TROAP: variants seen among roughly 807,000 people sequenced by gnomAD.
The protein encoded by TROAP is tastin.
A neutral mutation model predicts 83.4 loss-of-function variants in TROAP; 62 were observed. The ratio of observed to expected loss-of-function variants is 0.74; its 90% confidence interval spans 0.61 to 0.92. The LOEUF is 0.92. Among genes scored for constraint, TROAP ranks in the 40% least tolerant of loss-of-function variants. The pLI is 0.00. For synonymous variants in TROAP, 352 were observed against 386.4 expected (o/e 0.91, Z 1.04); for missense variants, 876 against 985.1 (o/e 0.89, Z 1.48).
chr12:49,329,420 C>G lies in TROAP; in HGVS notation c.1130C>G (p.Pro377Arg). The change falls in exon 11 of 15, where the codon CCT becomes CGT. Residue 377 changes from proline (P) to arginine (R), a missense_variant. Transcript: ENST00000257909. This position sits in a 1 kb window ranked among gnomAD's most constrained non-coding sequence, Gnocchi z 4.5. ...GCCCAGTGGCTGCGTGGTGTCTCCCCTCAGTCCTGCTCTGAAGATCCTGCC... is the reference window on the plus strand; with the variant it reads ...GCCCAGTGGCTGCGTGGTGTCTCCCGTCAGTCCTGCTCTGAAGATCCTGCC... ...QQAQWLRGVSPQSCSEDPALP... is the reference protein window; with the variant it reads ...QQAQWLRGVSRQSCSEDPALP... 6.2e-7 allele frequency: 1 copy of G among 1,612,338 alleles called. No homozygotes were observed. Among genetic ancestry groups the G allele is most frequent in the East Asian group, 2.2e-5 (1 of 44,882 alleles).
intron 6 of TROAP, 111 bp from the exon 7 acceptor site, chr12:49,326,557 T>C: frequency 4.2e-6 from 5 of 1,202,806 alleles, no homozygotes; most frequent in Non-Finnish European, 5.8e-6. Context: ...ATTTGTACCA[T>C]CATTAGTTGT....
rs1458642587 is a variant in TROAP, at chr12:49,325,824, T to C, written c.573T>C (p.Ser191=). ...RLDPARASCF[S]RLEGPGPRGR... ...ACCCTGCCAGGGCTTCCTGCTTCTC[T>C]AGGCTGGAGGGACCAGGACCTCGAG... Residue 191 remains serine (S), a synonymous_variant, in exon 5 of 15, where the codon TCT becomes TCC. Transcript: ENST00000257909. The C allele has an allele frequency of 6.2e-7, 1 of 1,614,040 alleles. No individual in the cohort carries two copies. The highest frequency in any genetic ancestry group is 1.3e-5 in the African/African-American group (1 of 74,932).
chr12:49,323,629 G>C lies in TROAP; in HGVS notation c.21G>C (p.Thr7=). The change falls in exon 2 of 15, where the codon ACG becomes ACC. Residue 7 remains threonine (T), a synonymous_variant. Coordinates refer to ENST00000257909, the MANE Select transcript of TROAP (RefSeq NM_005480.4). ...CCATCATGACCACCCGGCAAGCCACGAAGGATCCCCTCCTCCGGGGTGTAT... is the reference window on the plus strand; with the variant it reads ...CCATCATGACCACCCGGCAAGCCACCAAGGATCCCCTCCTCCGGGGTGTAT... The part of the protein sequence containing the change: MTTRQA[T]KDPLLRGVSP... 6.2e-7 allele frequency: 1 copy of C among 1,613,988 alleles called. No homozygotes were observed. The highest frequency in any genetic ancestry group is 1.3e-5 in the African/African-American group (1 of 75,002).
At chr12:49,326,769 A>C in intron 7 of TROAP, 49 bp downstream of exon 7, 1 of 1,546,286 alleles carries the variant, frequency 6.5e-7, no homozygotes, top group Non-Finnish European at 8.8e-7. Context: ...GGGCTGCCTG[A>C]AGCAGGGAAC....
rs770732326 is a variant in TROAP at position 49,329,157 on chromosome 12, C to G, written c.1021-4C>G. 6.2e-7 allele frequency: 1 copy of G among 1,614,180 alleles called. No homozygotes were observed. The highest frequency in any genetic ancestry group is 1.1e-5 in the South Asian group (1 of 91,084). On this transcript the variant is annotated splice_region_variant and splice_polypyrimidine_tract_variant and intron_variant, in intron 9 of 14. Transcript: ENST00000257909. This position sits in a 1 kb window ranked among gnomAD's most constrained non-coding sequence, Gnocchi z 4.5. ...CCTGCTCAGCCACCCACATCTCTCC[C>G]CAGACCTCATATTCAGTGTTGCGGC...
Position 49,324,253 on chromosome 12 carries a change from T to C in TROAP, c.337+216T>C, listed in dbSNP as rs369934723. 59 of 1,583,740 alleles carry C rather than the reference T, an allele frequency of 3.7e-5. No individual in the cohort carries two copies. In the African/African-American group the frequency reaches 7.4e-4, roughly 20 times the overall value. ...CAGGTGCCATGGCTTGTACCTGTAA[T>C]CACAGCTACTCAGGAGGCTGAAGCA... On this transcript the variant is annotated intron_variant, in intron 3 of 14. Coordinates refer to ENST00000257909, the MANE Select transcript of TROAP (RefSeq NM_005480.4).
At position 49,329,036 on chromosome 12, in the gene TROAP, C is replaced by T. The variant is rs1255384807; in HGVS notation, c.1001C>T (p.Ser334Phe). The change falls in exon 9 of 15, where the codon TCC becomes TTC. Residue 334 changes from serine (S) to phenylalanine (F), a missense_variant. This residue lies in a region of TROAP where 689 missense variants were observed against 722.6 expected (regional missense o/e 0.95). Transcript: ENST00000257909. This position sits in a 1 kb window ranked among gnomAD's most constrained non-coding sequence, Gnocchi z 4.5. ...TTTGGACGGGCTCAGCGTGTACCCT[C>T]CCCAGGCCCTCCAACTCTGGTTTGT... ...SPFGRAQRVP[S>F]PGPPTLTSYS... 1.2e-6 allele frequency: 2 copies of T among 1,611,178 alleles called. No homozygotes were observed. Among genetic ancestry groups the T allele is most frequent in the Non-Finnish European group, 1.7e-6 (2 of 1,178,064 alleles).
At position 49,331,677 on chromosome 12, in the gene TROAP, C is replaced by A; in HGVS notation, c.*60C>A. On this transcript the variant is annotated 3_prime_UTR_variant, in exon 15 of 15. Coordinates refer to ENST00000257909, the MANE Select transcript of TROAP (RefSeq NM_005480.4). ...CTTTTAGCCCTTATTTATTGTCGGTCTGCCCATGGGACTGGGAGCCGCCCA... is the reference window on the plus strand; with the variant it reads ...CTTTTAGCCCTTATTTATTGTCGGTATGCCCATGGGACTGGGAGCCGCCCA... 6.2e-7 allele frequency: 1 copy of A among 1,608,926 alleles called. No individual in the cohort carries two copies.
chr12:49,328,219 T>G (rs953177132), intron 8 of TROAP, among the ~76,000 whole-genome samples: 2 of 136,388 alleles, frequency 1.5e-5, no homozygotes, highest in Admixed American at 1.4e-4. Flanking sequence ...TAGGTCTTTT[T>G]TTTTTTTTTT....
rs140522502 is a variant in TROAP at position 49,329,967 on chromosome 12, C to T, written c.1275C>T (p.Pro425=). The T allele has an allele frequency of 3.7e-6, 6 of 1,614,020 alleles. No individual in the cohort carries two copies. In the African/African-American group the frequency reaches 6.7e-5, roughly 18 times the overall value. ...TPSGPHSNRT[P]SLQEVKIQRI... is the part of the protein sequence containing the mutation. ...CTGGACCCCACTCTAACAGAACCCC[C>T]AGCCTCCAGGAGGTGAAGATTCAAG... The change falls in exon 12 of 15, where the codon CCC becomes CCT. Residue 425 remains proline (P), a synonymous_variant. Coordinates refer to ENST00000257909, the MANE Select transcript of TROAP (RefSeq NM_005480.4). The surrounding 1 kb of genome is among the most constrained non-coding windows in gnomAD (Gnocchi z 4.5).
intron 8 of TROAP, among the ~76,000 whole-genome samples, chr12:49,327,593 C>T (rs533639099): frequency 5.9e-5 from 9 of 152,300 alleles, no homozygotes; most frequent in African/African-American, 2.2e-4. Context: ...ACAGATCTGA[C>T]ACTTGTCAGC....
Position 49,323,321 on chromosome 12 carries a change from C to A in TROAP, c.-34C>A. On this transcript the variant is annotated 5_prime_UTR_variant, in exon 1 of 15. The change creates a new upstream start codon in the 5' untranslated region. Transcript: ENST00000257909. ...AGGGTCAGGAGAAAAGCGGAGGAAG[C>A]TGGGTAGGCCCTGAGGGGCCTCGGT... The A allele has an allele frequency of 2.8e-6, 1 of 352,510 alleles. No homozygotes were observed. The highest frequency in any genetic ancestry group is 4.7e-5 in the East Asian group (1 of 21,268). The allele number at this position is 352,510 out of a possible 1,614,324, so 21.8% of individuals were successfully genotyped here. A position where few individuals can be genotyped will look rare whatever the true frequency, so the allele number is the denominator to read the frequency against.
chr12:49,330,454 TC>T lies in TROAP; in HGVS notation c.1612del (p.Leu538SerfsTer19), dbSNP rs766486745. On this transcript the variant is annotated frameshift_variant, in exon 13 of 15. Coordinates refer to ENST00000257909, the MANE Select transcript of TROAP (RefSeq NM_005480.4). LOFTEE classifies it high-confidence loss of function. ...CRSEPEIPEPSLQEQLEVPEP... is the reference protein window; with the variant it reads ...CRSEPEIPEPXLQEQLEVPEP... ...GAGTGAGCCTGAGATACCAGAGCCCTCCCTCCAGGAACAGCTTGAAGTACCA... is the reference window on the plus strand; with the variant it reads ...GAGTGAGCCTGAGATACCAGAGCCCTCCTCCAGGAACAGCTTGAAGTACCA... 6.2e-7 allele frequency: 1 copy of T among 1,613,976 alleles called. No homozygotes were observed. Among genetic ancestry groups the T allele is most frequent in the Non-Finnish European group, 8.5e-7 (1 of 1,179,962 alleles).
chr12:49,325,256 A>G (rs1013663248), intron 3 of TROAP, among the ~76,000 whole-genome samples: 8 of 150,530 alleles, frequency 5.3e-5, no homozygotes, highest in African/African-American at 1.7e-4. Flanking sequence ...GGGTTTTGCT[A>G]TGTTGGCCGG....
In TROAP at chr12:49,325,590, C is replaced by T. The variant is rs116282192; in HGVS notation, c.427C>T (p.Arg143Cys). Residue 143 changes from arginine (R) to cysteine (C), a missense_variant, in exon 4 of 15, where the codon CGC becomes TGC. Transcript: ENST00000257909. ...GEGVKSCHLGRQPSLAKRVLV... is the reference protein window; with the variant it reads ...GEGVKSCHLGCQPSLAKRVLV... ...GGGTGTGAAGAGCTGTCACCTGGGG[C>T]GCCAGCCTAGTCTGGCTAAAAGAGT... 3.2e-4 allele frequency: 519 copies of T among 1,613,918 alleles called. 1 individual carries two copies. In the African/African-American group the frequency reaches 6.1e-3, roughly 19 times the overall value.
intron 7 of TROAP, among the ~76,000 whole-genome samples, chr12:49,326,931 C>T (rs1388038309): frequency 6.6e-6 from 1 of 152,186 alleles, no homozygotes; most frequent in Admixed American, 6.5e-5. Flanking sequence ...TCCATTTCGG[C>T]CCTCTCTCTG....
In TROAP at chr12:49,331,679, G is replaced by C; in HGVS notation, c.*62G>C. On this transcript the variant is annotated 3_prime_UTR_variant, in exon 15 of 15. Transcript: ENST00000257909. The stretch of plus-strand genomic sequence containing the variant: ...TTTAGCCCTTATTTATTGTCGGTCT[G>C]CCCATGGGACTGGGAGCCGCCCACT... 6.2e-7 allele frequency: 1 copy of C among 1,608,304 alleles called. No homozygotes were observed. Among genetic ancestry groups the C allele is most frequent in the Non-Finnish European group, 8.5e-7 (1 of 1,176,132 alleles).
At chr12:49,327,351 G>C (rs745528769) in intron 8 of TROAP, 21 bp downstream of exon 8, 1 of 1,611,390 alleles carries the variant, frequency 6.2e-7, no homozygotes, top group Non-Finnish European at 8.5e-7. Context: ...ACTCTCCTGG[G>C]ATGGTGGGTG....
In TROAP at chr12:49,329,851, T is replaced by C. The variant is rs1943551467; in HGVS notation, c.1165-6T>C. On this transcript the variant is annotated splice_region_variant and splice_polypyrimidine_tract_variant and intron_variant, in intron 11 of 14. Transcript: ENST00000257909. The surrounding 1 kb of genome is among the most constrained non-coding windows in gnomAD (Gnocchi z 4.5). ...CTTGCTTGTGTGCCTTGTTCCTTGG[T>C]GACAGGAGCAGGTTGCCGTCCGGTT... 6.2e-7 allele frequency: 1 copy of C among 1,613,426 alleles called. No individual in the cohort carries two copies.
Sources: gnomAD v4.1 joint callset for allele counts (sites outside exome capture counted in the v4.1 genomes callset) on GRCh38, gnomAD v4.1.1 for gene constraint, gnomAD v4.1.1 regional missense constraint, Gnocchi (gnomAD v3.1) non-coding constraint, MANE v1.5 for transcripts, NCBI Gene and HGNC (gene_info 2026-07-23, HGNC 2026-07-21) for gene names.